The following LRRC4C variants were observed in gnomAD, a reference collection of about 807,000 sequenced individuals.
LRRC4C encodes the protein leucine rich repeat containing 4C, also known as leucine-rich repeat-containing protein 4C.
In LRRC4C, 5 loss-of-function variants were observed where a neutral mutation model predicts 33.6. The ratio of observed to expected loss-of-function variants is 0.15; its 90% CI spans 0.08 to 0.31. The LOEUF (loss-of-function observed/expected upper bound fraction) is 0.31. LRRC4C is among the 10% of genes least tolerant of loss of function. The pLI, the probability that LRRC4C is intolerant of heterozygous loss-of-function variation, is 1.00. For missense variants in LRRC4C, 560 were observed against 796.7 expected (o/e 0.70, Z 3.58); for synonymous variants, 329 against 302.0 (o/e 1.09, Z -0.93).
chr11:40,327,731 T>G (rs1462358800), intron 3 of LRRC4C, among the ~76,000 whole-genome samples: 5 of 151,966 alleles, frequency 3.3e-5, no homozygotes, highest in Non-Finnish European at 7.4e-5. Flanking sequence ...ATTTTCAAAA[T>G]TTTTAGTCTA....
At chr11:40,609,409 A>T (rs1960966650) in intron 3 of LRRC4C, among the ~76,000 whole-genome samples, 1 of 151,994 alleles carries the variant, frequency 6.6e-6, no homozygotes, top group Admixed American at 6.6e-5. Context: ...TACAACCAAA[A>T]CAGTACCTAA....
At chr11:40,861,068 C>A (rs1954072485) in intron 2 of LRRC4C, among the ~76,000 whole-genome samples, 1 of 151,906 alleles carries the variant, frequency 6.6e-6, no homozygotes, top group Admixed American at 6.6e-5. Flanking sequence ...TGGAAGTGAA[C>A]ACAAGTTTTT....
intron 4 of LRRC4C, among the ~76,000 whole-genome samples, chr11:40,287,394 C>T (rs955997450): frequency 1.3e-5 from 2 of 152,012 alleles, no homozygotes; most frequent in East Asian, 3.9e-4. Context: ...TGTTTGCATA[C>T]ACTCTTGTAT....
chr11:41,319,856 CAACTAAGTTTTGATTTGGGACTTTCATT>C (rs1950904556), intron 1 of LRRC4C, among the ~76,000 whole-genome samples: 1 of 152,048 alleles, frequency 6.6e-6, no homozygotes, highest in Non-Finnish European at 1.5e-5. Context: ...CAACTGTTGC[CAACTAAGTTTTGATTTGGGACTTTCATT>C]TTTAAAGATA....
chr11:40,951,997 G>A (rs937591271), intron 1 of LRRC4C, among the ~76,000 whole-genome samples: 2 of 151,596 alleles, frequency 1.3e-5, no homozygotes, highest in Non-Finnish European at 2.9e-5. Flanking sequence ...TTGCTCTAAG[G>A]GTTAAATAAG....
chr11:40,480,491 G>A (rs764393631), intron 3 of LRRC4C, among the ~76,000 whole-genome samples: 12 of 152,068 alleles, frequency 7.9e-5, no homozygotes, highest in Non-Finnish European at 1.5e-4. Flanking sequence ...AGGTAGAGGA[G>A]GGTGGGGATC....
chr11:40,581,933 AG>A (rs1182002106), intron 3 of LRRC4C, among the ~76,000 whole-genome samples: 1 of 152,098 alleles, frequency 6.6e-6, no homozygotes, highest in African/African-American at 2.4e-5. Flanking sequence ...AATAAATAAA[AG>A]AATAAAACTA....
At chr11:41,011,664 C>T (rs1263301066) in intron 1 of LRRC4C, among the ~76,000 whole-genome samples, 1 of 151,494 alleles carries the variant, frequency 6.6e-6, no homozygotes, top group Non-Finnish European at 1.5e-5. Context: ...TCCAAATTGC[C>T]CCCTGAGACA....
intron 1 of LRRC4C, among the ~76,000 whole-genome samples, chr11:40,961,205 T>C (rs11604340): frequency 6.6e-6 from 1 of 151,750 alleles, no homozygotes; most frequent in Non-Finnish European, 1.5e-5. Flanking sequence ...GCACTGAAAA[T>C]TGAATTTCTG....
rs59449489 is a variant in LRRC4C at position 40,150,120 on chromosome 11, T to C, written c.-95-9267A>G. Reference sequence around the variant, plus strand: ...TGTGGCTACATGACTCCATTCTCTTTCTTTACCCCCATATGGCCCTTCTTC... The same window carrying C: ...TGTGGCTACATGACTCCATTCTCTTCCTTTACCCCCATATGGCCCTTCTTC... On this transcript the variant is annotated intron_variant, in intron 5 of 6. Transcript: ENST00000528697. Among the ~76,000 whole-genome samples the C allele has an allele frequency of 4.8e-3, 727 of 152,320 alleles. 7 individuals are homozygous for C. The highest frequency in any genetic ancestry group is 0.016 in the African/African-American group (681 of 41,578).
At chr11:40,271,861 A>C (rs961229695) in intron 4 of LRRC4C, among the ~76,000 whole-genome samples, 1 of 152,148 alleles carries the variant, frequency 6.6e-6, no homozygotes, top group Non-Finnish European at 1.5e-5. Flanking sequence ...ATGTCCTATG[A>C]TTTTCACAAA....
chr11:40,569,386 G>A (rs780630093), intron 3 of LRRC4C, among the ~76,000 whole-genome samples: 3 of 152,086 alleles, frequency 2.0e-5, no homozygotes, highest in Non-Finnish European at 4.4e-5. Flanking sequence ...AAAAGCCTAT[G>A]GTCCCATACC....
At chr11:40,247,307 T>C (rs188313971) in intron 4 of LRRC4C, among the ~76,000 whole-genome samples, 283 of 152,268 alleles carry the variant, frequency 1.9e-3, no homozygotes, top group African/African-American at 6.5e-3. Context: ...TATAAAGCTA[T>C]CCTTTGCAAT....
intron 1 of LRRC4C, among the ~76,000 whole-genome samples, chr11:41,147,947 C>T (rs934706667): frequency 1.3e-5 from 2 of 152,012 alleles, no homozygotes; most frequent in Non-Finnish European, 2.9e-5. Context: ...TAAAAATTAG[C>T]TGGGCGTGGT....
intron 1 of LRRC4C, among the ~76,000 whole-genome samples, chr11:41,446,781 T>C (rs867188099): frequency 2.0e-5 from 3 of 152,168 alleles, no homozygotes; most frequent in African/African-American, 7.2e-5. Flanking sequence ...ATTTGTGGCC[T>C]TATTTTTCTA....
At chr11:40,983,424 C>T (rs1298013092) in intron 1 of LRRC4C, among the ~76,000 whole-genome samples, 1 of 152,100 alleles carries the variant, frequency 6.6e-6, no homozygotes, top group Non-Finnish European at 1.5e-5. Flanking sequence ...GGAAGACAAC[C>T]TAGGCAATAC....
rs1008392158 is a variant in LRRC4C, at chr11:40,127,293, A to T, written c.-42-10959T>A. Among the ~76,000 whole-genome samples, 26 of 152,202 alleles carry T rather than the reference A, an allele frequency of 1.7e-4. 1 individual carries two copies. Among genetic ancestry groups the T allele is most frequent in the Middle Eastern group, 3.4e-3 (1 of 294 alleles). On this transcript the variant is annotated intron_variant, in intron 6 of 6. Coordinates refer to ENST00000528697, the MANE Select transcript of LRRC4C (RefSeq NM_001258419.2). ...CCATCTCAAAAAAAGCAAAAAAAAA[A>T]ATATAGAGATTTGGAATTTTATGCA...
chr11:40,284,332 G>A (rs544465547), intron 4 of LRRC4C, among the ~76,000 whole-genome samples: 2 of 152,268 alleles, frequency 1.3e-5, no homozygotes, highest in East Asian at 1.9e-4. Flanking sequence ...CTGTGCTGTT[G>A]AGAAGAGTCT....
At chr11:41,095,101 A>T (rs1414522819) in intron 1 of LRRC4C, among the ~76,000 whole-genome samples, 1 of 152,146 alleles carries the variant, frequency 6.6e-6, no homozygotes, top group Non-Finnish European at 1.5e-5. Context: ...GGTTTAATTG[A>T]CTCACAGTTC....
Sources: gnomAD v4.1 joint callset for allele counts (sites outside exome capture counted in the v4.1 genomes callset) on GRCh38, gnomAD v4.1.1 for gene constraint, MANE v1.5 for transcripts, NCBI Gene and HGNC (gene_info 2026-07-23, HGNC 2026-07-21) for gene names.